The following EIF4E variants were observed in gnomAD, a reference collection of about 807,000 sequenced individuals.
EIF4E encodes eukaryotic translation initiation factor 4E, also known as eIF-4F 25 kDa subunit.
For missense variants in EIF4E, 113 were observed against 265.6 expected (o/e 0.43, Z 3.99); for synonymous variants, 71 against 88.5 (o/e 0.80, Z 1.11).
rs552281512 is a variant in EIF4E at position 98,923,208 on chromosome 4, A to C, written c.18+5887T>G. Among the ~76,000 whole-genome samples the C allele has an allele frequency of 4.4e-4, 67 of 151,914 alleles. No individual in the cohort carries two copies. The East Asian group carries it at 6.2e-3, about 14-fold the overall frequency. On this transcript the variant is annotated intron_variant, in intron 1 of 6. Coordinates refer to ENST00000450253, the MANE Select transcript of EIF4E (RefSeq NM_001968.5). ...CAAAAGTTCCAACTGGGGAAACAAA[A>C]AAAAAAAAACCCCTTATATTTCTGA... is the stretch of plus-strand genomic sequence containing the variant.
chr4:98,924,896 G>A (rs1725806692), intron 1 of EIF4E, among the ~76,000 whole-genome samples: 1 of 152,152 alleles, frequency 6.6e-6, no homozygotes, highest in Admixed American at 6.5e-5. Flanking sequence ...CACTCAGCAA[G>A]TATATTTTTT....
intron 2 of EIF4E, among the ~76,000 whole-genome samples, chr4:98,901,261 G>A (rs1024003946): frequency 1.3e-5 from 2 of 150,136 alleles, no homozygotes; most frequent in South Asian, 2.1e-4. Flanking sequence ...GCAATGGCGC[G>A]ATCTCAGTTC....
chr4:98,919,960 T>G (rs1391485497), intron 1 of EIF4E, among the ~76,000 whole-genome samples: 3 of 152,236 alleles, frequency 2.0e-5, no homozygotes, highest in African/African-American at 4.8e-5. Flanking sequence ...ATTTCCTTGG[T>G]TGCACAAGCC....
intron 1 of EIF4E, among the ~76,000 whole-genome samples, chr4:98,904,726 G>A (rs1223349387): frequency 2.0e-5 from 3 of 152,138 alleles, no homozygotes; most frequent in Non-Finnish European, 4.4e-5. Flanking sequence ...AGCACAGATC[G>A]TGCCACTGTT....
At chr4:98,914,756 C>G (rs1020298132) in intron 1 of EIF4E, among the ~76,000 whole-genome samples, 43 of 152,210 alleles carry the variant, frequency 2.8e-4, no homozygotes, top group African/African-American at 9.9e-4. Flanking sequence ...CAGGAGTGAA[C>G]CCTAATGTAA....
intron 5 of EIF4E, among the ~76,000 whole-genome samples, chr4:98,885,669 C>G (rs1201965443): frequency 6.6e-6 from 1 of 152,150 alleles, no homozygotes; most frequent in Non-Finnish European, 1.5e-5. Flanking sequence ...CCAAACTGGT[C>G]TTGAACTCCT....
intron 5 of EIF4E, chr4:98,886,526 C>A (rs1159734771): frequency 2.3e-6 from 1 of 429,476 alleles, no homozygotes; most frequent in African/African-American, 2.0e-5. Flanking sequence ...CCAACCTGGG[C>A]AACATAGCAA....
intron 2 of EIF4E, among the ~76,000 whole-genome samples, chr4:98,892,504 C>T (rs1017346024): frequency 2.0e-5 from 3 of 151,414 alleles, no homozygotes; most frequent in African/African-American, 7.3e-5. Context: ...CATGGTGAAA[C>T]CTGGTTTCTA....
At chr4:98,888,212 C>G (rs925322933) in intron 3 of EIF4E, among the ~76,000 whole-genome samples, 3 of 152,012 alleles carry the variant, frequency 2.0e-5, no homozygotes, top group Admixed American at 6.6e-5. Flanking sequence ...TTAGTTAACT[C>G]AGTGCATACA....
chr4:98,889,988 A>C (rs990280529), intron 3 of EIF4E, among the ~76,000 whole-genome samples: 3 of 152,238 alleles, frequency 2.0e-5, no homozygotes, highest in African/African-American at 7.2e-5. Context: ...CCTTAAATGT[A>C]GTTATTATTA....
intron 1 of EIF4E, among the ~76,000 whole-genome samples, chr4:98,914,046 C>A (rs1217615634): frequency 6.6e-6 from 1 of 150,546 alleles, no homozygotes; most frequent in Non-Finnish European, 1.5e-5. Context: ...ATTACAGAAC[C>A]ATATAAAAAT....
intron 2 of EIF4E, among the ~76,000 whole-genome samples, chr4:98,895,814 G>A (rs1724355175): frequency 6.6e-6 from 1 of 152,192 alleles, no homozygotes; most frequent in Non-Finnish European, 1.5e-5. Flanking sequence ...ATTTTAGGAG[G>A]CTGAGGCAGG....
chr4:98,895,948 A>C (rs1253194619), intron 2 of EIF4E, among the ~76,000 whole-genome samples: 1 of 152,206 alleles, frequency 6.6e-6, no homozygotes, highest in African/African-American at 2.4e-5. Flanking sequence ...CCGTAATCCC[A>C]GCACTTTGGG....
At chr4:98,892,748 C>T (rs997299925) in intron 2 of EIF4E, among the ~76,000 whole-genome samples, 6 of 151,150 alleles carry the variant, frequency 4.0e-5, no homozygotes, top group African/African-American at 1.2e-4. Context: ...AACAAATTAG[C>T]CAAGAAGAAA....
Position 98,915,240 on chromosome 4 carries a change from C to T in EIF4E, c.19-13258G>A, listed in dbSNP as rs1041651491. ...TGCTTCAGGTTTCAGGCATGAGCTA[C>T]GCACACAAACCCGGCCGAAAATTAA... On this transcript the variant is annotated intron_variant, in intron 1 of 6. Transcript: ENST00000450253. 2.0e-5 allele frequency among the ~76,000 whole-genome samples: 3 copies of T among 151,116 alleles called. No homozygotes were observed. The South Asian group carries it at 6.2e-4, about 31-fold the overall frequency.
At position 98,909,941 on chromosome 4, in the gene EIF4E, T is replaced by C. The variant is rs577030120; in HGVS notation, c.19-7959A>G. ...GTCCTCAGTTCTTTTCAACAAACCA[T>C]GCATTTCCTCACAGCACCCTCAAAT... On this transcript the variant is annotated intron_variant, in intron 1 of 6. Coordinates refer to ENST00000450253, the MANE Select transcript of EIF4E (RefSeq NM_001968.5). The C allele has an allele frequency of 1.9e-5, 10 of 531,920 alleles. No homozygotes were observed. The South Asian group carries it at 2.8e-4, about 15-fold the overall frequency. The allele number at this position is 531,920 out of a possible 1,614,324, so 33.0% of individuals were successfully genotyped here.
intron 1 of EIF4E, among the ~76,000 whole-genome samples, chr4:98,928,123 G>A (rs191206942): frequency 3.3e-5 from 5 of 152,156 alleles, no homozygotes; most frequent in Non-Finnish European, 7.3e-5. Flanking sequence ...AGGAGATAAA[G>A]ACTCGGAAGA....
At chr4:98,911,491 C>T (rs1205181019) in intron 1 of EIF4E, among the ~76,000 whole-genome samples, 2 of 149,552 alleles carry the variant, frequency 1.3e-5, no homozygotes, top group Non-Finnish European at 3.0e-5. Flanking sequence ...GAAATCCCAT[C>T]TCTACTAAAA....
intron 1 of EIF4E, among the ~76,000 whole-genome samples, chr4:98,918,033 A>C (rs1725461356): frequency 6.7e-6 from 1 of 149,536 alleles, no homozygotes; most frequent in South Asian, 2.1e-4. Flanking sequence ...CAGAGACTGC[A>C]CTCCAGTCTG....
Sources: allele counts gnomAD v4.1 joint callset (sites outside exome capture counted in the v4.1 genomes callset), GRCh38; gene constraint gnomAD v4.1.1; transcripts MANE v1.5; gene names NCBI Gene and HGNC (gene_info 2026-07-23, HGNC 2026-07-21).